NOL4: variants seen among roughly 807,000 people sequenced by gnomAD.
NOL4 encodes the protein cancer/testis antigen 125.
In NOL4, 17 loss-of-function variants were observed where a neutral mutation model predicts 75.9. The observed-to-expected ratio is 0.22, with a 90% confidence interval of 0.15 to 0.34. NOL4 has a LOEUF of 0.34. Ranked by LOEUF, NOL4 falls within the 10% of genes least tolerant of loss-of-function variation. The pLI, the probability that NOL4 is intolerant of heterozygous loss-of-function variation, is 1.00. For missense variants in NOL4, 614 were observed against 793.5 expected, an observed-to-expected ratio of 0.77 and a Z score of 2.72; for synonymous variants, 292 against 289.9, an observed-to-expected ratio of 1.01 and a Z score of -0.07.
At chr18:34,148,472 C>T (rs1253064164) in intron 1 of NOL4, among the ~76,000 whole-genome samples, 1 of 152,036 alleles carries the variant, frequency 6.6e-6, no homozygotes, top group African/African-American at 2.4e-5. Flanking sequence ...TCGTTATTTA[C>T]CCAGTTGTCA....
intron 8 of NOL4, among the ~76,000 whole-genome samples, chr18:33,956,477 CA>C (rs940658434): frequency 1.3e-5 from 2 of 152,066 alleles, no homozygotes; most frequent in Non-Finnish European, 2.9e-5. Context: ...TCACAGATCA[CA>C]AACACTAACA....
At chr18:34,095,251 A>ATGTGTGTGTGTGTGTGTGTG (rs60017439) in intron 4 of NOL4, among the ~76,000 whole-genome samples, 36 of 144,510 alleles carry the variant, frequency 2.5e-4, no homozygotes, top group South Asian at 9.0e-4. Flanking sequence ...TCTAATGTGT[A>ATGTGTGTGTGTGTGTGTGTG]TGTGTGTGTG....
intron 6 of NOL4, among the ~76,000 whole-genome samples, chr18:33,993,052 G>A (rs1250884649): frequency 2.0e-5 from 3 of 151,980 alleles, no homozygotes; most frequent in African/African-American, 4.8e-5. Context: ...AAACTGTAGG[G>A]CAGTTAAGTT....
chr18:33,962,380 A>G (rs1017601121), intron 6 of NOL4, among the ~76,000 whole-genome samples: 1 of 152,214 alleles, frequency 6.6e-6, no homozygotes, highest in African/African-American at 2.4e-5. Context: ...CAGCCAAATG[A>G]ATAATACTAT....
intron 5 of NOL4, among the ~76,000 whole-genome samples, chr18:34,022,114 A>G (rs1248373622): frequency 1.3e-5 from 2 of 149,808 alleles, no homozygotes; most frequent in African/African-American, 4.9e-5. Flanking sequence ...CAAAAAAAAT[A>G]AATAAATAAA....
chr18:34,001,360 T>C (rs1406338787), intron 6 of NOL4, among the ~76,000 whole-genome samples: 2 of 152,176 alleles, frequency 1.3e-5, no homozygotes, highest in Non-Finnish European at 2.9e-5. Flanking sequence ...AACTACATAA[T>C]TGTCCTTACC....
chr18:33,946,301 TCTAA>T (rs1459611268), intron 8 of NOL4, among the ~76,000 whole-genome samples: 2 of 151,848 alleles, frequency 1.3e-5, no homozygotes, highest in East Asian at 1.9e-4. Context: ...GTTAATAATA[TCTAA>T]CTCTTATTGA....
At chr18:33,943,240 C>T (rs1445342674) in intron 8 of NOL4, 62 bp from the exon 9 acceptor site, 4 of 1,089,118 alleles carry the variant, frequency 3.7e-6, no homozygotes, top group East Asian at 2.4e-5. Context: ...CAGGCCAATG[C>T]TATTCTCAGA....
At chr18:34,075,090 G>A (rs894861905) in intron 5 of NOL4, among the ~76,000 whole-genome samples, 4 of 151,986 alleles carry the variant, frequency 2.6e-5, no homozygotes, top group Admixed American at 6.6e-5. Context: ...AAAATTCTTC[G>A]TACATTATAC....
intron 5 of NOL4, among the ~76,000 whole-genome samples, chr18:34,026,705 A>G (rs1285522292): frequency 1.3e-5 from 2 of 152,164 alleles, no homozygotes; most frequent in Non-Finnish European, 2.9e-5. Context: ...TTTTTTAAAT[A>G]ATATAAATTC....
chr18:34,086,166 A>G (rs1377125922), intron 5 of NOL4, among the ~76,000 whole-genome samples: 2 of 152,188 alleles, frequency 1.3e-5, no homozygotes, highest in African/African-American at 4.8e-5. Context: ...AAGAAAAAAG[A>G]GCAGCATTGT....
chr18:34,034,845 A>T (rs1435272057), intron 5 of NOL4, among the ~76,000 whole-genome samples: 3 of 152,170 alleles, frequency 2.0e-5, no homozygotes, highest in African/African-American at 7.2e-5. Flanking sequence ...TAAAATGGAA[A>T]AAAAAAGGAC....
intron 2 of NOL4, among the ~76,000 whole-genome samples, chr18:34,121,481 T>A (rs760441798): frequency 6.6e-6 from 1 of 152,208 alleles, no homozygotes; most frequent in Non-Finnish European, 1.5e-5. Flanking sequence ...TATCCAAGAA[T>A]ACAGTTGCTG....
chr18:34,152,014 A>G (rs1197464729), intron 1 of NOL4, among the ~76,000 whole-genome samples: 1 of 151,958 alleles, frequency 6.6e-6, no homozygotes, highest in African/African-American at 2.4e-5. Flanking sequence ...TGAAAAATTC[A>G]CATTAAATTA....
At chr18:34,187,630 G>A (rs1227451520) in intron 1 of NOL4, among the ~76,000 whole-genome samples, 3 of 151,952 alleles carry the variant, frequency 2.0e-5, no homozygotes, top group East Asian at 1.9e-4. Context: ...CTCGTGATAC[G>A]CCCGCCTCGG....
intron 5 of NOL4, among the ~76,000 whole-genome samples, chr18:34,043,712 T>C (rs1198376119): frequency 6.6e-6 from 1 of 152,088 alleles, no homozygotes; most frequent in African/African-American, 2.4e-5. Flanking sequence ...AATGAGATAA[T>C]GTAAATTAAA....
At chr18:34,102,050 C>T (rs1274445319) in intron 4 of NOL4, among the ~76,000 whole-genome samples, 2 of 151,728 alleles carry the variant, frequency 1.3e-5, no homozygotes, top group Admixed American at 1.3e-4. Flanking sequence ...TTCACTATAT[C>T]CCTCTGCTAC....
chr18:34,016,572 T>C (rs2074707716), intron 6 of NOL4, among the ~76,000 whole-genome samples: 1 of 152,078 alleles, frequency 6.6e-6, no homozygotes, highest in African/African-American at 2.4e-5. Context: ...GCTCTGTGCC[T>C]TAAAACATGC....
At chr18:33,872,341 TA>T (rs2063737689) in intron 10 of NOL4, among the ~76,000 whole-genome samples, 1 of 152,054 alleles carries the variant, frequency 6.6e-6, no homozygotes, top group Non-Finnish European at 1.5e-5. Flanking sequence ...ACACTGGGAT[TA>T]GTTCTTCTCA....
Sources: allele counts gnomAD v4.1 joint callset (sites outside exome capture counted in the v4.1 genomes callset), GRCh38; gene constraint gnomAD v4.1.1; transcripts MANE v1.5; gene names NCBI Gene and HGNC (gene_info 2026-07-23, HGNC 2026-07-21).